The following CERCAM variants were observed in gnomAD, a reference collection of about 807,000 sequenced individuals.
CERCAM encodes inactive glycosyltransferase 25 family member 3.
A neutral mutation model predicts 66.0 loss-of-function variants in CERCAM; 59 were observed. The ratio of observed to expected loss-of-function variants is 0.89; its 90% CI spans 0.73 to 1.11. CERCAM has a LOEUF of 1.11. CERCAM is among the 50% of genes most tolerant of loss of function. CERCAM has a pLI of 0.00. For synonymous variants in CERCAM, 318 were observed against 343.6 expected (o/e 0.93, Z 0.83); for missense variants, 840 against 828.3 (o/e 1.01, Z -0.17).
intron 3 of CERCAM, 99 bp from the exon 4 acceptor site, chr9:128,424,039 C>A: frequency 7.2e-7 from 1 of 1,381,692 alleles, no homozygotes; most frequent in Non-Finnish European, 9.9e-7. Context: ...CCACTGGATC[C>A]TAGGAGCCAC....
At chr9:128,421,254 G>C (rs894839069) in intron 1 of CERCAM, 180 bp downstream of exon 1, 2 of 1,235,694 alleles carry the variant, frequency 1.6e-6, no homozygotes, top group Admixed American at 8.5e-5. Context: ...CCCCTGCTGG[G>C]AGACGACAGA....
intron 5 of CERCAM, among the ~76,000 whole-genome samples, chr9:128,426,611 C>T (rs1175487490): frequency 1.5e-5 from 2 of 134,706 alleles, no homozygotes; most frequent in Non-Finnish European, 3.0e-5. Flanking sequence ...CAGAGCGAGA[C>T]TCTGTCTTAA....
At chr9:128,422,799 G>T in intron 1 of CERCAM, 69 bp from the exon 2 acceptor site, 8 of 1,553,862 alleles carry the variant, frequency 5.1e-6, no homozygotes, top group Non-Finnish European at 7.0e-6. Flanking sequence ...TAGTGCTTTG[G>T]GGTCAAGGCT....
At chr9:128,430,876 C>A in intron 8 of CERCAM, 1 of 235,878 alleles carries the variant, frequency 4.2e-6, no homozygotes, top group Non-Finnish European at 8.1e-6. Context: ...AAAACATTAG[C>A]TGGGCACCTG....
intron 9 of CERCAM, among the ~76,000 whole-genome samples, chr9:128,433,317 G>C (rs1023371881): frequency 6.6e-6 from 1 of 151,756 alleles, no homozygotes; most frequent in African/African-American, 2.4e-5. Context: ...CCGGTGTGGT[G>C]GTGGGCACCT....
At position 128,421,045 on chromosome 9, in the gene CERCAM, G is replaced by A; in HGVS notation, c.168G>A (p.Leu56=). 1 of 1,394,852 alleles carries A rather than the reference G, an allele frequency of 7.2e-7. No individual in the cohort carries two copies. Among genetic ancestry groups the A allele is most frequent in the Non-Finnish European group, 9.3e-7 (1 of 1,072,898 alleles). 86.4% of individuals were successfully genotyped at this position (1,394,852 alleles called of 1,614,324 possible). The change falls in exon 1 of 13, where the codon CTG becomes CTA. Residue 56 remains leucine, a synonymous_variant. Transcript: ENST00000372838. ...LPHYLGALER[L]DYPRARMALW... ...ACTACCTGGGCGCTCTGGAGCGGCT[G>A]GACTACCCCCGGGCCAGGATGGCCC...
At chr9:128,423,617 CAAAA>C (rs751848613) in intron 3 of CERCAM, among the ~76,000 whole-genome samples, 1 of 81,870 alleles carries the variant, frequency 1.2e-5, no homozygotes. Context: ...AACTCAGTCT[CAAAA>C]AAAAAAAAAA....
intron 5 of CERCAM, among the ~76,000 whole-genome samples, 168 bp downstream of exon 5, chr9:128,424,782 G>A (rs964122455): frequency 4.8e-5 from 7 of 145,390 alleles, no homozygotes; most frequent in Non-Finnish European, 7.5e-5. Flanking sequence ...TTTTTTTTTG[G>A]TGTGATCTCG....
chr9:128,431,121 G>A, intron 8 of CERCAM, 50 bp from the exon 9 acceptor site: 1 of 1,602,658 alleles, frequency 6.2e-7, no homozygotes, highest in Non-Finnish European at 8.5e-7. Context: ...GGCCCCTCTG[G>A]AGGGGTCTCT....
chr9:128,428,761 C>T lies in CERCAM; in HGVS notation c.891C>T (p.Asp297=), dbSNP rs564549007. The T allele has an allele frequency of 3.2e-5, 52 of 1,613,872 alleles. No individual in the cohort carries two copies. In the South Asian group the frequency reaches 3.8e-4, roughly 12 times the overall value. ...FIHLILEALV[D]GPRMQASAHV... ...GGGGTGTGCTTCCCTTTGCAGTGGA[C>T]GGCCCCCGCATGCAGGCCTCAGCTC... is the stretch of plus-strand genomic sequence containing the variant. The change falls in exon 7 of 13, where the codon GAC becomes GAT. Residue 297 remains aspartate (D), a synonymous_variant. Transcript: ENST00000372838.
At position 128,434,316 on chromosome 9, in the gene CERCAM, C is replaced by T; in HGVS notation, c.1331+87C>T. The T allele has an allele frequency of 6.2e-7, 1 of 1,601,574 alleles. No homozygotes were observed. Among genetic ancestry groups the T allele is most frequent in the Non-Finnish European group, 8.5e-7 (1 of 1,171,986 alleles). ...CTGCTTGGGACCCTGGCCGGCCCAT[C>T]CCCTGAGAGCCTGGCCCTGTAGGAG... On this transcript the variant is annotated intron_variant, in intron 10 of 12. Coordinates refer to ENST00000372838, the MANE Select transcript of CERCAM (RefSeq NM_016174.5). The surrounding 1 kb of genome is among the most constrained non-coding windows in gnomAD (Gnocchi z 4.5).
At position 128,421,048 on chromosome 9, in the gene CERCAM, C is replaced by T; in HGVS notation, c.171C>T (p.Asp57=). Residue 57 remains aspartate (D), a synonymous_variant, in exon 1 of 13, where the codon GAC becomes GAT. Transcript: ENST00000372838. ...ACCTGGGCGCTCTGGAGCGGCTGGA[C>T]TACCCCCGGGCCAGGATGGCCCTCT... ...PHYLGALERL[D]YPRARMALWC... 2 of 1,388,856 alleles carry T rather than the reference C, an allele frequency of 1.4e-6. No individual in the cohort carries two copies. Among genetic ancestry groups the T allele is most frequent in the Non-Finnish European group, 1.9e-6 (2 of 1,070,052 alleles). The allele number at this position is 1,388,856 out of a possible 1,614,324, so 86.0% of individuals were successfully genotyped here. A position where few individuals can be genotyped will look rare whatever the true frequency, so the allele number is the denominator to read the frequency against.
rs1160772793 is a variant in CERCAM at position 128,421,068 on chromosome 9, C to T, written c.191C>T (p.Ala64Val). 27 of 1,316,122 alleles carry T rather than the reference C, an allele frequency of 2.1e-5. No individual in the cohort carries two copies. The highest frequency in any genetic ancestry group is 3.1e-5 in the African/African-American group (2 of 64,964). The allele number at this position is 1,316,122 out of a possible 1,614,324, so 81.5% of individuals were successfully genotyped here. The part of the protein sequence containing the change: ...ERLDYPRARM[A>V]LWCATDHNVD... Reference sequence around the variant, plus strand: ...CTGGACTACCCCCGGGCCAGGATGGCCCTCTGGTGAGAGACCCGGGCATTG... The same window carrying T: ...CTGGACTACCCCCGGGCCAGGATGGTCCTCTGGTGAGAGACCCGGGCATTG... Residue 64 changes from alanine to valine, a missense_variant, in exon 1 of 13, where the codon GCC (alanine) becomes GTC (valine). Physicochemically the swap from Ala to Val is moderately conservative, Grantham distance 64. Transcript: ENST00000372838.
At chr9:128,427,764 C>CAA (rs879285710) in intron 5 of CERCAM, 3 of 128,298 alleles carry the variant, frequency 2.3e-5, no homozygotes, top group Admixed American at 8.0e-5. Context: ...GACTCCATCT[C>CAA]AAAAAAAAAA....
chr9:128,425,410 C>T (rs1833821369), intron 5 of CERCAM, among the ~76,000 whole-genome samples: 1 of 152,104 alleles, frequency 6.6e-6, no homozygotes, highest in African/African-American at 2.4e-5. Flanking sequence ...GACTCAGACC[C>T]TAATCTCAAA....
In CERCAM at chr9:128,424,391, A is replaced by G; in HGVS notation, c.562-19A>G. 1 of 1,613,748 alleles carries G rather than the reference A, an allele frequency of 6.2e-7. No homozygotes were observed. Among genetic ancestry groups the G allele is most frequent in the Non-Finnish European group, 8.5e-7 (1 of 1,179,910 alleles). On this transcript the variant is annotated intron_variant, in intron 4 of 12. Transcript: ENST00000372838. ...GGCAGGGGAGCCCTCTCACAGCCCA[A>G]AGCATCCCTTTTCCCCAGGGCTACT...
intron 5 of CERCAM, 135 bp downstream of exon 5, chr9:128,424,749 G>T: frequency 3.0e-5 from 21 of 706,708 alleles, no homozygotes; most frequent in Non-Finnish European, 4.1e-5. Context: ...TGGGTCATGA[G>T]TTTTCTTTTC....
Position 128,435,795 on chromosome 9 carries a change from G to GGCC in CERCAM, c.1682_1684dup (p.Arg561dup). 1 of 1,612,622 alleles carries GGCC rather than the reference G, an allele frequency of 6.2e-7. No homozygotes were observed. The highest frequency in any genetic ancestry group is 8.5e-7 in the Non-Finnish European group (1 of 1,179,634). On this transcript the variant is annotated inframe_insertion, in exon 12 of 13. Coordinates refer to ENST00000372838, the MANE Select transcript of CERCAM (RefSeq NM_016174.5). ...ATCCTCTCCATGGGATGATGACAGC[G>GGCC]GCCGCCTCATCAGCTGGAGCGGCTC...
At position 128,422,878 on chromosome 9, in the gene CERCAM, G is replaced by T; in HGVS notation, c.208G>T (p.Asp70Tyr). The change falls in exon 2 of 13, where the codon GAC becomes TAC. Residue 70 changes from aspartate to tyrosine, a missense_variant. Coordinates refer to ENST00000372838, the MANE Select transcript of CERCAM (RefSeq NM_016174.5). ...TCTTCCCGTCCCCAGGTGTGCCACG[G>T]ACCACAATGTGGACAACACCACAGA... ...RARMALWCATDHNVDNTTEML... is the reference protein window; with the variant it reads ...RARMALWCATYHNVDNTTEML... 1.2e-6 allele frequency: 2 copies of T among 1,614,038 alleles called. No homozygotes were observed. Among genetic ancestry groups the T allele is most frequent in the South Asian group, 2.2e-5 (2 of 91,066 alleles).
Sources: allele counts gnomAD v4.1 joint callset (sites outside exome capture counted in the v4.1 genomes callset), GRCh38; gene constraint gnomAD v4.1.1; non-coding constraint Gnocchi (gnomAD v3.1); transcripts MANE v1.5; gene names NCBI Gene and HGNC (gene_info 2026-07-23, HGNC 2026-07-21).